MCTP1: variants seen among roughly 807,000 people sequenced by gnomAD.
MCTP1 encodes the protein multiple C2 and transmembrane domain-containing protein 1.
Under a neutral mutation model 120.6 loss-of-function variants are expected in MCTP1, and 69 were observed. The observed-to-expected ratio is 0.57, with a 90% confidence interval of 0.47 to 0.70. The LOEUF is 0.70. MCTP1 is among the 30% of genes least tolerant of loss of function. The pLI is 0.00. For synonymous variants in MCTP1, 529 were observed against 493.1 expected (o/e 1.07, Z -0.96); for missense variants, 1,203 against 1,248.8 (o/e 0.96, Z 0.55).
At chr5:95,221,773 T>G (rs1051122945) in intron 1 of MCTP1, among the ~76,000 whole-genome samples, 1 of 152,092 alleles carries the variant, frequency 6.6e-6, no homozygotes, top group Non-Finnish European at 1.5e-5. Context: ...CAGCATGGGT[T>G]TTCTCTTTTT....
intron 18 of MCTP1, among the ~76,000 whole-genome samples, chr5:94,788,291 CT>C (rs1228435444): frequency 1.3e-5 from 2 of 152,162 alleles, no homozygotes; most frequent in African/African-American, 4.8e-5. Context: ...CTAAAACATA[CT>C]GTTTCAGTTC....
chr5:95,132,610 G>T (rs974181597), intron 1 of MCTP1, among the ~76,000 whole-genome samples: 2 of 152,136 alleles, frequency 1.3e-5, no homozygotes, highest in African/African-American at 4.8e-5. Flanking sequence ...CTGCAGTCCC[G>T]CGACCTCAGC....
Position 94,910,205 on chromosome 5 carries a change from T to G in MCTP1, c.1522-824A>C, listed in dbSNP as rs1808153597. On this transcript the variant is annotated intron_variant, in intron 9 of 22. Coordinates refer to ENST00000515393, the MANE Select transcript of MCTP1 (RefSeq NM_024717.7). Reference sequence around the variant, plus strand: ...GTATGTGTGCATACATATATGTATATATACATATATGTGTATACATATATG... The same window carrying G: ...GTATGTGTGCATACATATATGTATAGATACATATATGTGTATACATATATG... Among the ~76,000 whole-genome samples, 3 of 151,482 alleles carry G rather than the reference T, an allele frequency of 2.0e-5. No homozygotes were observed. In the South Asian group the frequency reaches 6.2e-4, roughly 31 times the overall value.
chr5:94,712,807 C>T (rs1001745723), intron 20 of MCTP1, among the ~76,000 whole-genome samples: 1 of 151,764 alleles, frequency 6.6e-6, no homozygotes, highest in Non-Finnish European at 1.5e-5. Flanking sequence ...GATCTGCTTG[C>T]TTTCCTGTGG....
intron 1 of MCTP1, among the ~76,000 whole-genome samples, chr5:95,214,209 T>G (rs1257252219): frequency 5.3e-5 from 8 of 152,252 alleles, no homozygotes; most frequent in Non-Finnish European, 1.0e-4. Flanking sequence ...GTGAAGGATA[T>G]GAACAGACAC....
chr5:94,853,479 T>C (rs1794144004), intron 17 of MCTP1, among the ~76,000 whole-genome samples: 1 of 152,018 alleles, frequency 6.6e-6, no homozygotes, highest in Non-Finnish European at 1.5e-5. Flanking sequence ...AAGCCAAGTG[T>C]GGCTTGTTAC....
At chr5:95,166,320 A>G (rs1424101591) in intron 1 of MCTP1, 2 of 152,206 alleles carry the variant, frequency 1.3e-5, no homozygotes, top group African/African-American at 4.8e-5. Context: ...AGCCTGGTCT[A>G]TAAGCATGTA....
intron 1 of MCTP1, among the ~76,000 whole-genome samples, chr5:95,050,916 A>G (rs1745741089): frequency 6.6e-6 from 1 of 152,166 alleles, no homozygotes; most frequent in Admixed American, 6.5e-5. Context: ...ATGAGGACAA[A>G]CATACACACA....
chr5:94,758,313 G>A (rs912704697), intron 19 of MCTP1, among the ~76,000 whole-genome samples: 5 of 152,056 alleles, frequency 3.3e-5, no homozygotes, highest in South Asian at 4.1e-4. Flanking sequence ...AAAATCCCTC[G>A]CTGGATGTGG....
intron 1 of MCTP1, among the ~76,000 whole-genome samples, chr5:95,077,621 C>T (rs901928703): frequency 2.0e-5 from 3 of 152,088 alleles, no homozygotes; most frequent in Non-Finnish European, 4.4e-5. Context: ...TACAGGCGCT[C>T]GCCACCACGC....
chr5:95,111,505 C>G (rs1019175498), intron 1 of MCTP1, among the ~76,000 whole-genome samples: 1 of 152,116 alleles, frequency 6.6e-6, no homozygotes, highest in African/African-American at 2.4e-5. Context: ...TCCAGATTAG[C>G]CTATGGTTGA....
At chr5:94,874,714 C>A (rs1390330812) in intron 12 of MCTP1, among the ~76,000 whole-genome samples, 1 of 152,152 alleles carries the variant, frequency 6.6e-6, no homozygotes, top group South Asian at 2.1e-4. Context: ...TCACACACCC[C>A]ATGGAAGATA....
intron 1 of MCTP1, among the ~76,000 whole-genome samples, chr5:95,103,340 A>C (rs1756877230): frequency 6.6e-6 from 1 of 152,110 alleles, no homozygotes; most frequent in South Asian, 2.1e-4. Flanking sequence ...AAAGTGGAGA[A>C]AAAGGTTTCC....
At chr5:94,965,531 T>A (rs77855690) in intron 2 of MCTP1, among the ~76,000 whole-genome samples, 10 of 151,950 alleles carry the variant, frequency 6.6e-5, no homozygotes, top group South Asian at 6.2e-4. Flanking sequence ...TGGTTTTTTT[T>A]ATCAGTCTTT....
chr5:94,871,764 C>A (rs560811509), intron 13 of MCTP1, among the ~76,000 whole-genome samples: 1 of 152,176 alleles, frequency 6.6e-6, no homozygotes, highest in East Asian at 1.9e-4. Flanking sequence ...TTCTAATTAT[C>A]ACAATTCATA....
At chr5:94,965,254 T>A (rs1362378957) in intron 2 of MCTP1, among the ~76,000 whole-genome samples, 2 of 152,200 alleles carry the variant, frequency 1.3e-5, no homozygotes, top group African/African-American at 4.8e-5. Context: ...CTCTTTCTGC[T>A]GGAACCAGCT....
Position 94,868,422 on chromosome 5 carries a change from G to A in MCTP1, c.2347C>T (p.Arg783Cys). ...LLLRNFIRMK[R>C]CVMVLVNAAY... is the part of the protein sequence containing the mutation. ...GCATTTACCAGCACCATGACACAAC[G>A]TTTCATTCTGATAAAGTTTCTTAGT... is the stretch of plus-strand genomic sequence containing the variant. The change falls in exon 17 of 23, where the codon CGT (arginine) becomes TGT (cysteine). Residue 783 changes from arginine to cysteine, a missense_variant. Arg to Cys is a radical substitution (Grantham distance 180). Around this residue, in one of 2 missense-constraint regions of MCTP1, gnomAD observed 740 missense variants for 871.1 expected, o/e 0.85. Coordinates refer to ENST00000515393, the MANE Select transcript of MCTP1 (RefSeq NM_024717.7). The A allele has an allele frequency of 1.2e-6, 2 of 1,602,252 alleles. No individual in the cohort carries two copies. Among genetic ancestry groups the A allele is most frequent in the African/African-American group, 1.3e-5 (1 of 74,426 alleles).
chr5:94,984,580 T>C (rs1008730556), intron 2 of MCTP1, among the ~76,000 whole-genome samples: 3 of 152,144 alleles, frequency 2.0e-5, no homozygotes, highest in Non-Finnish European at 4.4e-5. Context: ...GGAATGTAGG[T>C]GGTGAGTTGA....
At chr5:94,983,990 A>G (rs1441908891) in intron 2 of MCTP1, among the ~76,000 whole-genome samples, 1 of 152,186 alleles carries the variant, frequency 6.6e-6, no homozygotes, top group African/African-American at 2.4e-5. Context: ...GAATTGCTCA[A>G]ATTGTTATGA....
Sources: gnomAD v4.1 joint callset for allele counts (sites outside exome capture counted in the v4.1 genomes callset) on GRCh38, gnomAD v4.1.1 for gene constraint, gnomAD v4.1.1 regional missense constraint, MANE v1.5 for transcripts, NCBI Gene and HGNC (gene_info 2026-07-23, HGNC 2026-07-21) for gene names.